The following PSPC1 variants were observed in gnomAD, a reference collection of about 807,000 sequenced individuals.
The protein encoded by PSPC1 is paraspeckle protein 1.
A neutral mutation model predicts 51.6 loss-of-function variants in PSPC1; 14 were observed. The ratio of observed to expected loss-of-function variants is 0.27; its 90% CI spans 0.18 to 0.42. PSPC1 has a LOEUF of 0.42. Among genes scored for constraint, PSPC1 ranks in the 10% least tolerant of loss-of-function variants. PSPC1 has a pLI of 1.00. For missense variants in PSPC1, 406 were observed against 701.1 expected (o/e 0.58, Z 4.75); for synonymous variants, 193 against 231.9 (o/e 0.83, Z 1.53).
rs181164368 is a variant in PSPC1, at chr13:19,714,645, C to A, written c.1159-5046G>T. On this transcript the variant is annotated intron_variant, in intron 6 of 8. Coordinates refer to ENST00000338910, the MANE Select transcript of PSPC1 (RefSeq NM_001354909.2). The stretch of plus-strand genomic sequence containing the variant: ...GGGTAGCTGGAACTATAGGCAGATA[C>A]CATCACGCCCAGATAATTTTTGTGT... Among the ~76,000 whole-genome samples, 434 of 152,100 alleles carry A rather than the reference C, an allele frequency of 2.9e-3. 2 individuals are homozygous for A. Among genetic ancestry groups the A allele is most frequent in the Non-Finnish European group, 5.1e-3 (349 of 67,990 alleles).
intron 6 of PSPC1, among the ~76,000 whole-genome samples, chr13:19,686,997 G>A (rs1877965900): frequency 6.6e-6 from 1 of 152,068 alleles, no homozygotes; most frequent in Non-Finnish European, 1.5e-5. Flanking sequence ...GGGAGTTCGA[G>A]ACCAGCCTGG....
At chr13:19,749,043 C>G (rs1331149241) in intron 4 of PSPC1, among the ~76,000 whole-genome samples, 2 of 151,716 alleles carry the variant, frequency 1.3e-5, no homozygotes, top group Middle Eastern at 3.4e-3. Flanking sequence ...AATCCCATCT[C>G]TACTAAAAAT....
At chr13:19,750,394 T>C (rs113366819) in intron 4 of PSPC1, among the ~76,000 whole-genome samples, 2 of 151,600 alleles carry the variant, frequency 1.3e-5, no homozygotes, top group African/African-American at 4.8e-5. Context: ...ATGGCGCCAC[T>C]GCACTCCAGC....
chr13:19,725,060 C>G (rs972460184), intron 6 of PSPC1, among the ~76,000 whole-genome samples: 1 of 151,892 alleles, frequency 6.6e-6, no homozygotes, highest in African/African-American at 2.4e-5. Context: ...GCCTGTAATC[C>G]CAGATACTCG....
chr13:19,734,597 T>A (rs1370095203), intron 5 of PSPC1, among the ~76,000 whole-genome samples: 2 of 151,672 alleles, frequency 1.3e-5, no homozygotes, highest in East Asian at 1.9e-4. Context: ...AGGTCAGGAG[T>A]TCGAGACGAG....
At chr13:19,705,287 G>A (rs1880503331) in intron 8 of PSPC1, among the ~76,000 whole-genome samples, 1 of 152,226 alleles carries the variant, frequency 6.6e-6, no homozygotes, top group African/African-American at 2.4e-5. Context: ...GAGGTCAGGA[G>A]TTTGAGACCA....
At chr13:19,736,577 G>A (rs984147926) in intron 5 of PSPC1, among the ~76,000 whole-genome samples, 7 of 152,086 alleles carry the variant, frequency 4.6e-5, no homozygotes, top group African/African-American at 1.4e-4. Flanking sequence ...TAGCTACTCC[G>A]GAGGCTGAGG....
rs776701208 is a variant in PSPC1 at position 19,772,271 on chromosome 13, T to C, written c.645A>G (p.Arg215=). ...TTAGCAAGAATGCCCCATCACCACATCTTTCCAGAGCCTTTCGTGCAGGAG... is the reference window on the plus strand; with the variant it reads ...TTAGCAAGAATGCCCCATCACCACACCTTTCCAGAGCCTTTCGTGCAGGAG... The part of the protein sequence containing the change: ...AKPPARKALE[R]CGDGAFLLTT... Residue 215 remains arginine, a synonymous_variant, in exon 2 of 9, where the codon AGA becomes AGG. Transcript: ENST00000338910. 1 of 1,614,082 alleles carries C rather than the reference T, an allele frequency of 6.2e-7. No individual in the cohort carries two copies. Among genetic ancestry groups the C allele is most frequent in the East Asian group, 2.2e-5 (1 of 44,886 alleles).
chr13:19,707,620 AAATGT>A (rs1880866820), intron 7 of PSPC1, among the ~76,000 whole-genome samples: 2 of 152,320 alleles, frequency 1.3e-5, no homozygotes, highest in East Asian at 3.9e-4. Context: ...TTAAGTGCTA[AAATGT>A]AAGTAAGTCC....
chr13:19,755,115 T>TCTCAG (rs986272619), intron 3 of PSPC1, among the ~76,000 whole-genome samples: 2 of 151,786 alleles, frequency 1.3e-5, no homozygotes, highest in Non-Finnish European at 2.9e-5. Context: ...ACATCTGTAG[T>TCTCAG]CCCAGCTACT....
intron 2 of PSPC1, among the ~76,000 whole-genome samples, chr13:19,765,524 G>A (rs1276106636): frequency 6.4e-4 from 6 of 9,342 alleles, no homozygotes; most frequent in Admixed American, 1.5e-3. Flanking sequence ...TTTGAGAGAC[G>A]GGTCTCACGA....
At position 19,782,311 on chromosome 13, in the gene PSPC1, G is replaced by C; in HGVS notation, c.372+75C>G. 6.7e-7 allele frequency: 1 copy of C among 1,500,976 alleles called. No individual in the cohort carries two copies. The highest frequency in any genetic ancestry group is 1.4e-5 in the African/African-American group (1 of 69,490). 93.0% of individuals were successfully genotyped at this position (1,500,976 alleles called of 1,614,324 possible). Reference sequence around the variant, plus strand: ...GGTTGAGACAGCGTCCTAGGACGAGGCTGGCCTCAGCCCCACGACCCCGCG... The same window carrying C: ...GGTTGAGACAGCGTCCTAGGACGAGCCTGGCCTCAGCCCCACGACCCCGCG... On this transcript the variant is annotated intron_variant, in intron 1 of 8. Coordinates refer to ENST00000338910, the MANE Select transcript of PSPC1 (RefSeq NM_001354909.2). The surrounding 1 kb of genome is among the most constrained non-coding windows in gnomAD (Gnocchi z 4.5).
At chr13:19,754,658 T>G (rs1243831196) in intron 3 of PSPC1, among the ~76,000 whole-genome samples, 1 of 151,798 alleles carries the variant, frequency 6.6e-6, no homozygotes, top group African/African-American at 2.4e-5. Flanking sequence ...CAGGCTGGTC[T>G]CGAACTCCTG....
intron 7 of PSPC1, among the ~76,000 whole-genome samples, chr13:19,708,158 G>C (rs1053188764): frequency 4.9e-4 from 74 of 152,200 alleles, no homozygotes; most frequent in African/African-American, 1.6e-3. Flanking sequence ...TACATTATCT[G>C]ATTAGTAGTA....
intron 2 of PSPC1, among the ~76,000 whole-genome samples, chr13:19,771,468 C>T (rs1286468500): frequency 6.6e-6 from 1 of 152,098 alleles, no homozygotes; most frequent in African/African-American, 2.4e-5. Context: ...GACAAGGTCA[C>T]TCGGTCACCT....
At chr13:19,747,483 C>G (rs572659893) in intron 4 of PSPC1, among the ~76,000 whole-genome samples, 107 of 152,170 alleles carry the variant, frequency 7.0e-4, no homozygotes, top group Non-Finnish European at 1.2e-3. Context: ...CAGACACATG[C>G]CACCATGCCC....
chr13:19,674,827 T>G (rs1016304679), exon 8 of PSPC1: 1 of 152,252 alleles, frequency 6.6e-6, no homozygotes, highest in Non-Finnish European at 1.5e-5. Flanking sequence ...TTTAGACTTA[T>G]CCCAAATCCT....
downstream of PSPC1, among the ~76,000 whole-genome samples, chr13:19,698,327 G>C (rs1293344524): frequency 2.0e-5 from 3 of 151,894 alleles, no homozygotes; most frequent in African/African-American, 7.2e-5. Context: ...ATAAAATTTA[G>C]ATTAAGGTAT....
intron 6 of PSPC1, among the ~76,000 whole-genome samples, chr13:19,726,075 A>C (rs544479333): frequency 7.0e-4 from 107 of 152,280 alleles, no homozygotes; most frequent in African/African-American, 2.5e-3. Context: ...AGATTCACTT[A>C]AGCCCAGGAG....
Sources: allele counts gnomAD v4.1 joint callset (sites outside exome capture counted in the v4.1 genomes callset), GRCh38; gene constraint gnomAD v4.1.1; non-coding constraint Gnocchi (gnomAD v3.1); transcripts MANE v1.5; gene names NCBI Gene and HGNC (gene_info 2026-07-23, HGNC 2026-07-21).